Variants in ZNF469 observed in about 807,000 individuals in gnomAD.
The protein encoded by ZNF469 is zinc finger protein 469.
ZNF469 carries 1 observed loss-of-function variant against 1.0 expected under a neutral mutation model. The ratio of observed to expected loss-of-function variants is 1.00; its 90% CI spans 0.35 to 4.73. The LOEUF (loss-of-function observed/expected upper bound fraction) is 4.73. Ranked by LOEUF, ZNF469 falls within the 30% of genes most tolerant of loss-of-function variation. ZNF469 has a pLI of 0.16. For missense variants in ZNF469, 6,100 were observed against 5,356.3 expected (o/e 1.14, Z -4.33); for synonymous variants, 2,703 against 2,363.4 (o/e 1.14, Z -4.17).
chr16:88,370,583 C>T, the ZNF469 span, among the ~76,000 whole-genome samples: 1 of 152,168 alleles, frequency 6.6e-6, no homozygotes, highest in Non-Finnish European at 1.5e-5. Context: ...GACTGGGCTG[C>T]TGCGTGCCTC....
At chr16:88,141,759 A>G in the ZNF469 span, among the ~76,000 whole-genome samples, 1 of 152,194 alleles carries the variant, frequency 6.6e-6, no homozygotes, top group African/African-American at 2.4e-5. Context: ...GGCAGTGGCA[A>G]TGGCAGCAGA....
Position 88,433,623 on chromosome 16 carries a change from G to A in ZNF469, c.6153G>A (p.Glu2051=), listed in dbSNP as rs1906356290. The part of the protein sequence containing the change: ...GSRAAMSLQE[E]AEPTPSPPSP... ...GGGCAGCCATGAGCCTTCAGGAGGAGGCCGAGCCCACCCCAAGCCCCCCGT... is the reference window on the plus strand; with the variant it reads ...GGGCAGCCATGAGCCTTCAGGAGGAAGCCGAGCCCACCCCAAGCCCCCCGT... The change falls in exon 3 of 3, where the codon GAG becomes GAA. Residue 2051 remains glutamate (E), a synonymous_variant. Coordinates refer to ENST00000565624, the MANE Select transcript of ZNF469 (RefSeq NM_001367624.2). The A allele has an allele frequency of 6.5e-7, 1 of 1,550,188 alleles. No individual in the cohort carries two copies. Among genetic ancestry groups the A allele is most frequent in the Admixed American group, 2.0e-5 (1 of 50,986 alleles).
chr16:88,107,044 G>A, the ZNF469 span, among the ~76,000 whole-genome samples: 1 of 152,210 alleles, frequency 6.6e-6, no homozygotes, highest in Non-Finnish European at 1.5e-5. Context: ...TGCCTTTGGG[G>A]CGTGCTGGCA....
At chr16:88,341,990 G>C in the ZNF469 span, among the ~76,000 whole-genome samples, 49 of 152,288 alleles carry the variant, frequency 3.2e-4, no homozygotes, top group African/African-American at 1.2e-3. Context: ...TGGGGAAGCA[G>C]AATGGGGCTT....
the ZNF469 span, among the ~76,000 whole-genome samples, chr16:88,123,600 G>A: frequency 6.6e-6 from 1 of 152,178 alleles, no homozygotes; most frequent in African/African-American, 2.4e-5. Flanking sequence ...GCGGGGCCAC[G>A]TGGTGAGTAT....
At chr16:88,214,472 G>GTTT in the ZNF469 span, among the ~76,000 whole-genome samples, 203 of 148,712 alleles carry the variant, frequency 1.4e-3, 1 homozygote, top group East Asian at 0.015. Context: ...GTTCTTTTGA[G>GTTT]TTTTTTTTTT....
the ZNF469 span, among the ~76,000 whole-genome samples, chr16:88,219,725 C>T: frequency 2.0e-5 from 3 of 152,210 alleles, no homozygotes; most frequent in Admixed American, 6.5e-5. Context: ...AACCTACTTC[C>T]CTGGGGCCTT....
the ZNF469 span, chr16:88,177,157 AG>A: frequency 6.6e-6 from 1 of 152,268 alleles, no homozygotes; most frequent in Admixed American, 6.5e-5. The surrounding 1 kb of genome is among the most constrained non-coding windows in gnomAD (Gnocchi z 4.8). Context: ...TCATCTGGAT[AG>A]AAAAAGAGGG....
the ZNF469 span, among the ~76,000 whole-genome samples, chr16:88,231,712 C>T: frequency 3.9e-5 from 6 of 152,286 alleles, no homozygotes; most frequent in South Asian, 2.1e-4. The surrounding 1 kb of genome is among the most constrained non-coding windows in gnomAD (Gnocchi z 4.5). Flanking sequence ...GTGAGCCCCC[C>T]GCCTCCCTCT....
At chr16:88,401,319 G>A (rs56253002) in intron 1 of ZNF469, among the ~76,000 whole-genome samples, 39,058 of 152,122 alleles carry the variant, frequency 0.26, 5,586 homozygotes, top group African/African-American at 0.39. Context: ...GGGACAGTAC[G>A]GCAGTGGCTT....
Position 88,438,513 on chromosome 16 carries a change from G to A in ZNF469, c.11043G>A (p.Lys3681=). 6.5e-7 allele frequency: 1 copy of A among 1,550,128 alleles called. No homozygotes were observed. Among genetic ancestry groups the A allele is most frequent in the Admixed American group, 2.0e-5 (1 of 51,008 alleles). Residue 3681 remains lysine, a synonymous_variant, in exon 3 of 3, where the codon AAG becomes AAA. Transcript: ENST00000565624. ...TKPAGCQSSS[K]DRSAASTPSK... ...CTGCGGGCTGCCAGAGCTCATCAAAGGACAGGTCGGCAGCATCCACCCCCA... is the reference window on the plus strand; with the variant it reads ...CTGCGGGCTGCCAGAGCTCATCAAAAGACAGGTCGGCAGCATCCACCCCCA...
Position 88,437,641 on chromosome 16 carries a change from C to T in ZNF469, c.10171C>T (p.Leu3391=). Residue 3391 remains leucine, a synonymous_variant, in exon 3 of 3, where the codon CTG becomes TTG. Transcript: ENST00000565624. Reference sequence around the variant, plus strand: ...ACACCTGGGCGGGGCGCACGGGCTGCTGGAGCGGCCGGAGCTGCAGCACAC... The same window carrying T: ...ACACCTGGGCGGGGCGCACGGGCTGTTGGAGCGGCCGGAGCTGCAGCACAC... ...LAHLGGAHGL[L]ERPELQHTPL... is the part of the protein sequence containing the mutation. 1 of 1,543,040 alleles carries T rather than the reference C, an allele frequency of 6.5e-7. No homozygotes were observed. The highest frequency in any genetic ancestry group is 8.8e-7 in the Non-Finnish European group (1 of 1,141,664).
At chr16:88,314,719 T>C in the ZNF469 span, among the ~76,000 whole-genome samples, 1 of 149,320 alleles carries the variant, frequency 6.7e-6, no homozygotes, top group African/African-American at 2.5e-5. Context: ...ATTATGATGA[T>C]GCTGGTGTGG....
chr16:88,277,927 T>C, the ZNF469 span, among the ~76,000 whole-genome samples: 698 of 12,160 alleles, frequency 0.057, no homozygotes, highest in East Asian at 0.17. Context: ...CGCTGACACT[T>C]GGTCAGTACC....
At chr16:88,259,152 G>C in the ZNF469 span, among the ~76,000 whole-genome samples, 1 of 152,262 alleles carries the variant, frequency 6.6e-6, no homozygotes, top group Non-Finnish European at 1.5e-5. This position sits in a 1 kb window ranked among gnomAD's most constrained non-coding sequence, Gnocchi z 4.1. Flanking sequence ...CAAGGCAGAA[G>C]AAAGTCGCAG....
chr16:88,384,449 A>T (rs925417123), intron 1 of ZNF469, among the ~76,000 whole-genome samples: 1 of 152,234 alleles, frequency 6.6e-6, no homozygotes, highest in African/African-American at 2.4e-5. Flanking sequence ...AGGGCTGAGC[A>T]GGGAGCTCGG....
chr16:88,430,043 C>A lies in ZNF469; in HGVS notation c.2573C>A (p.Pro858Gln), dbSNP rs1906024397. ...LNGMEYQSDNPEIDSSFIDVF... is the reference protein window; with the variant it reads ...LNGMEYQSDNQEIDSSFIDVF... ...GGCATGGAGTACCAGTCGGACAACC[C>A]GGAGATCGACAGCAGCTTCATCGAC... Residue 858 changes from proline (P) to glutamine (Q), a missense_variant, in exon 3 of 3, where the codon CCG (proline) becomes CAG (glutamine). By Grantham distance (76) the Pro-to-Gln change is moderately conservative. Transcript: ENST00000565624. The A allele has an allele frequency of 6.5e-7, 1 of 1,550,260 alleles. No homozygotes were observed. Among genetic ancestry groups the A allele is most frequent in the Non-Finnish European group, 8.7e-7 (1 of 1,146,982 alleles).
At chr16:88,383,676 CG>C (rs1162966142) in intron 1 of ZNF469, among the ~76,000 whole-genome samples, 1 of 151,084 alleles carries the variant, frequency 6.6e-6, no homozygotes, top group South Asian at 2.1e-4. Context: ...GGATCGGAGC[CG>C]GGGGTGCCCC....
the ZNF469 span, among the ~76,000 whole-genome samples, chr16:88,265,033 G>T: frequency 6.6e-6 from 1 of 152,042 alleles, no homozygotes; most frequent in African/African-American, 2.4e-5. Flanking sequence ...CCTACTAGAT[G>T]CGTGGGTTCA....
Sources: allele counts gnomAD v4.1 joint callset (sites outside exome capture counted in the v4.1 genomes callset), GRCh38; gene constraint gnomAD v4.1.1; non-coding constraint Gnocchi (gnomAD v3.1); transcripts MANE v1.5; gene names NCBI Gene and HGNC (gene_info 2026-07-23, HGNC 2026-07-21).